The following ST18 variants were observed in gnomAD, a reference collection of about 807,000 sequenced individuals.
ST18 encodes the protein suppression of tumorigenicity 18 protein.
Under a neutral mutation model 110.0 loss-of-function variants are expected in ST18, and 50 were observed. That is an observed-to-expected ratio of 0.45 (90% CI 0.36 to 0.58). The LOEUF is 0.58. Ranked by LOEUF, ST18 falls within the 20% of genes least tolerant of loss-of-function variation. The pLI, the probability that ST18 is intolerant of heterozygous loss-of-function variation, is 0.00. For missense variants in ST18, 1,306 were observed against 1,280.1 expected, an observed-to-expected ratio of 1.02 and a Z score of -0.31; for synonymous variants, 461 against 452.4, an observed-to-expected ratio of 1.02 and a Z score of -0.24.
At chr8:52,294,957 A>G (rs1589688152) in intron 2 of ST18, among the ~76,000 whole-genome samples, 1 of 152,214 alleles carries the variant, frequency 6.6e-6, no homozygotes, top group Non-Finnish European at 1.5e-5. Context: ...TTATCTCTTA[A>G]AACAAATATA....
intron 2 of ST18, among the ~76,000 whole-genome samples, chr8:52,237,754 G>T (rs911561246): frequency 1.2e-4 from 19 of 152,210 alleles, no homozygotes; most frequent in African/African-American, 4.6e-4. Context: ...GGCTATTTTA[G>T]ATTGAGGCAG....
chr8:52,262,838 A>G (rs2094737027), intron 2 of ST18, among the ~76,000 whole-genome samples: 1 of 152,214 alleles, frequency 6.6e-6, no homozygotes, highest in Non-Finnish European at 1.5e-5. Context: ...TACTGAAGGC[A>G]TCATGCTCAT....
chr8:52,123,591 A>G (rs1278903680), intron 23 of ST18, among the ~76,000 whole-genome samples: 2 of 152,216 alleles, frequency 1.3e-5, no homozygotes, highest in African/African-American at 4.8e-5. Context: ...TAAAACGTGT[A>G]CTTTTCCAGT....
At chr8:52,301,696 T>C (rs1422723649) in intron 2 of ST18, among the ~76,000 whole-genome samples, 2 of 152,230 alleles carry the variant, frequency 1.3e-5, no homozygotes, top group African/African-American at 4.8e-5. Context: ...AGTGTAATTC[T>C]ATGAAATACT....
intron 8 of ST18, among the ~76,000 whole-genome samples, chr8:52,183,308 G>A (rs1456220574): frequency 6.6e-6 from 1 of 152,160 alleles, no homozygotes; most frequent in Non-Finnish European, 1.5e-5. Flanking sequence ...GAAACACCTT[G>A]CAAAGTAATA....
In ST18 at chr8:52,194,133, G is replaced by A. The variant is rs147646471; in HGVS notation, c.87-13821C>T. Among the ~76,000 whole-genome samples, 768 of 151,902 alleles carry A rather than the reference G, an allele frequency of 5.1e-3. 5 individuals carry two copies. Among genetic ancestry groups the A allele is most frequent in the Middle Eastern group, 0.024 (7 of 294 alleles). On this transcript the variant is annotated intron_variant, in intron 8 of 25. Transcript: ENST00000689386. The stretch of plus-strand genomic sequence containing the variant: ...ATAAATAATAAATTAATTGCATATC[G>A]TCTACCACAGAATTTTTTTCATAAA...
At chr8:52,361,341 G>A (rs1006053191) in intron 2 of ST18, among the ~76,000 whole-genome samples, 3 of 152,122 alleles carry the variant, frequency 2.0e-5, no homozygotes, top group African/African-American at 4.8e-5. Flanking sequence ...CACAGTCTCC[G>A]ATGAATCACT....
At chr8:52,404,647 C>T (rs1843839623) in intron 2 of ST18, 1 of 152,194 alleles carries the variant, frequency 6.6e-6, no homozygotes, top group Non-Finnish European at 1.5e-5. Flanking sequence ...TCACTGCCCC[C>T]TGAGCATTCT....
At chr8:52,279,669 T>C (rs1291742694) in intron 2 of ST18, among the ~76,000 whole-genome samples, 1 of 152,126 alleles carries the variant, frequency 6.6e-6, no homozygotes, top group Non-Finnish European at 1.5e-5. Context: ...ATATAGTGAA[T>C]TGGTAGCTAT....
At chr8:52,293,862 A>G (rs1312939939) in intron 2 of ST18, among the ~76,000 whole-genome samples, 1 of 152,212 alleles carries the variant, frequency 6.6e-6, no homozygotes, top group Non-Finnish European at 1.5e-5. Context: ...CTCCAAGATT[A>G]TATCAATAAT....
intron 2 of ST18, among the ~76,000 whole-genome samples, chr8:52,266,973 G>A (rs1471914119): frequency 6.6e-6 from 1 of 152,172 alleles, no homozygotes; most frequent in Non-Finnish European, 1.5e-5. Flanking sequence ...GAAAGATTAA[G>A]CCTTAAGCTG....
chr8:52,337,671 G>C (rs748279810), intron 2 of ST18, among the ~76,000 whole-genome samples: 10 of 152,124 alleles, frequency 6.6e-5, no homozygotes, highest in African/African-American at 2.4e-4. Context: ...TAATTTATTC[G>C]GGCTAAGCCA....
At chr8:52,163,838 G>T (rs1474648510) in intron 13 of ST18, 148 bp downstream of exon 13, 4 of 564,616 alleles carry the variant, frequency 7.1e-6, no homozygotes, top group East Asian at 2.8e-5. Flanking sequence ...ACCAGCCTCT[G>T]GTCTAGTGGA....
At chr8:52,115,627 T>A (rs1357654251) in intron 25 of ST18, among the ~76,000 whole-genome samples, 3 of 152,188 alleles carry the variant, frequency 2.0e-5, no homozygotes, top group Admixed American at 1.3e-4. Flanking sequence ...GTAGGGTCTG[T>A]CATCTGGGTT....
At chr8:52,383,164 T>C (rs1835237345) in intron 2 of ST18, among the ~76,000 whole-genome samples, 1 of 152,140 alleles carries the variant, frequency 6.6e-6, no homozygotes, top group Non-Finnish European at 1.5e-5. Flanking sequence ...GTGACTTCTA[T>C]TTCAGGGTTC....
At chr8:52,370,742 T>C (rs1477131535) in intron 2 of ST18, among the ~76,000 whole-genome samples, 1 of 152,176 alleles carries the variant, frequency 6.6e-6, no homozygotes, top group Non-Finnish European at 1.5e-5. Flanking sequence ...CTTTCTATCA[T>C]CACCCCTTGC....
chr8:52,137,731 T>C (rs939579410), intron 17 of ST18: 6 of 438,086 alleles, frequency 1.4e-5, no homozygotes, highest in African/African-American at 1.2e-4. Flanking sequence ...ATTCGATTAT[T>C]TGATTCCATT....
At chr8:52,204,428 C>G (rs1021227441) in intron 8 of ST18, among the ~76,000 whole-genome samples, 2 of 152,288 alleles carry the variant, frequency 1.3e-5, no homozygotes, top group Admixed American at 1.3e-4. Flanking sequence ...GAGAGGGAGC[C>G]TTGGAGGCTG....
chr8:52,283,524 G>A (rs897257270), intron 2 of ST18, among the ~76,000 whole-genome samples: 5 of 152,108 alleles, frequency 3.3e-5, no homozygotes, highest in Non-Finnish European at 5.9e-5. Flanking sequence ...TGAAAGCCCA[G>A]TTAAAAAAAA....
Sources: allele counts gnomAD v4.1 joint callset (sites outside exome capture counted in the v4.1 genomes callset), GRCh38; gene constraint gnomAD v4.1.1; transcripts MANE v1.5; gene names NCBI Gene and HGNC (gene_info 2026-07-23, HGNC 2026-07-21).